The following SOX6 variants were observed in gnomAD, a reference collection of about 807,000 sequenced individuals.
SOX6 encodes the protein transcription factor SOX-6.
A neutral mutation model predicts 97.8 loss-of-function variants in SOX6; 11 were observed. The observed-to-expected ratio is 0.11, with a 90% CI of 0.07 to 0.19. SOX6 has a LOEUF of 0.19. SOX6 is among the 10% of genes least tolerant of loss of function. The probability of loss-of-function intolerance (pLI) is 1.00; values close to 1 mark genes in which losing one functional copy is unlikely to be tolerated. For missense variants in SOX6, 810 were observed against 1,039.5 expected (o/e 0.78, Z 3.04); for synonymous variants, 360 against 371.4 (o/e 0.97, Z 0.35).
intron 6 of SOX6, among the ~76,000 whole-genome samples, chr11:16,120,574 A>G (rs934493015): frequency 6.7e-6 from 1 of 149,854 alleles, no homozygotes; most frequent in Non-Finnish European, 1.5e-5. Flanking sequence ...ATATATATAT[A>G]TATATATACA....
intron 12 of SOX6, among the ~76,000 whole-genome samples, chr11:16,020,158 G>C (rs1479731916): frequency 2.6e-5 from 4 of 152,120 alleles, no homozygotes; most frequent in Non-Finnish European, 2.9e-5. Flanking sequence ...TGAGGGGTCA[G>C]TGTGATTTGT....
chr11:16,624,691 A>G (rs1257574080), intron 3 of SOX6, among the ~76,000 whole-genome samples: 1 of 152,192 alleles, frequency 6.6e-6, no homozygotes, highest in Non-Finnish European at 1.5e-5. Flanking sequence ...TTAACTTTAC[A>G]AGTTGCCAAA....
intron 3 of SOX6, among the ~76,000 whole-genome samples, chr11:16,700,913 GC>G (rs1848087876): frequency 6.6e-6 from 1 of 152,064 alleles, no homozygotes; most frequent in African/African-American, 2.4e-5. Context: ...ATTGTTTCCT[GC>G]TAGGGCCATA....
chr11:16,201,396 G>A (rs11023870), intron 4 of SOX6, among the ~76,000 whole-genome samples: 10,597 of 151,810 alleles, frequency 0.07, 410 homozygotes, highest in Non-Finnish European at 0.097. Context: ...ATAAATTTAT[G>A]TAGCTGGCAA....
At chr11:16,398,702 C>T (rs1858440489) in intron 1 of SOX6, among the ~76,000 whole-genome samples, 1 of 150,362 alleles carries the variant, frequency 6.7e-6, no homozygotes. Flanking sequence ...CTTTAATATC[C>T]TGTTTTATGT....
chr11:16,437,497 T>C (rs1200073700), intron 1 of SOX6, among the ~76,000 whole-genome samples: 1 of 152,208 alleles, frequency 6.6e-6, no homozygotes, highest in African/African-American at 2.4e-5. Flanking sequence ...CATCTGTTTA[T>C]GTGAATTAAG....
intron 3 of SOX6, among the ~76,000 whole-genome samples, chr11:16,271,149 C>G (rs896891738): frequency 2.0e-5 from 3 of 151,198 alleles, no homozygotes; most frequent in African/African-American, 4.8e-5. Flanking sequence ...TATTCCAAGA[C>G]TTTTTTTCCT....
intron 6 of SOX6, among the ~76,000 whole-genome samples, chr11:16,120,495 C>A (rs538456536): frequency 1.3e-5 from 2 of 151,262 alleles, no homozygotes; most frequent in Non-Finnish European, 2.9e-5. Context: ...CATCCCTTTA[C>A]AAACTCAGGA....
chr11:16,432,234 G>GC (rs1477447946), intron 1 of SOX6, among the ~76,000 whole-genome samples: 7 of 151,866 alleles, frequency 4.6e-5, no homozygotes, highest in Non-Finnish European at 1.0e-4. Flanking sequence ...AAATATCTGC[G>GC]CCCCACTGAG....
chr11:15,989,721 A>G (rs1050728959), intron 13 of SOX6, among the ~76,000 whole-genome samples: 2 of 152,122 alleles, frequency 1.3e-5, no homozygotes, highest in Admixed American at 1.3e-4. Context: ...ACCTTCAATC[A>G]TGTTTCATGA....
At chr11:16,521,895 C>T (rs1030000406) in intron 4 of SOX6, among the ~76,000 whole-genome samples, 31 of 151,734 alleles carry the variant, frequency 2.0e-4, no homozygotes, top group South Asian at 6.3e-4. Context: ...GAAGATGAAA[C>T]GAATGAAATG....
chr11:15,987,158 G>A (rs934561230), intron 14 of SOX6, among the ~76,000 whole-genome samples: 3 of 152,088 alleles, frequency 2.0e-5, no homozygotes, highest in African/African-American at 7.2e-5. Flanking sequence ...GAGGGGATGT[G>A]TTTTTTTACA....
chr11:16,368,275 G>A (rs925755853), intron 1 of SOX6, among the ~76,000 whole-genome samples: 7 of 152,106 alleles, frequency 4.6e-5, no homozygotes, highest in African/African-American at 1.7e-4. Flanking sequence ...AGATTAAAGA[G>A]GGAAAAGATC....
intron 1 of SOX6, among the ~76,000 whole-genome samples, chr11:16,419,734 G>A (rs554334329): frequency 2.0e-5 from 3 of 151,888 alleles, no homozygotes; most frequent in African/African-American, 7.2e-5. Context: ...ACTGTTACTC[G>A]GGGCAACCTG....
chr11:16,496,341 A>C (rs1326842257), intron 4 of SOX6, among the ~76,000 whole-genome samples: 2 of 149,686 alleles, frequency 1.3e-5, no homozygotes, highest in African/African-American at 4.9e-5. Context: ...CAGAGGGTGG[A>C]GCCAACATGG....
intron 4 of SOX6, among the ~76,000 whole-genome samples, chr11:16,228,817 G>A (rs914254330): frequency 6.6e-6 from 1 of 152,030 alleles, no homozygotes; most frequent in Admixed American, 6.6e-5. Context: ...GCATGACTCA[G>A]GTACATACTC....
At chr11:16,476,444 C>T (rs1860250266), upstream of SOX6, 1 of 152,064 alleles carries the variant, frequency 6.6e-6, no homozygotes, top group Admixed American at 6.6e-5. Flanking sequence ...CATTTATATG[C>T]TTTATTAAAG....
intron 9 of SOX6, among the ~76,000 whole-genome samples, chr11:16,063,496 TTATATATATATATATA>T (rs66968164): frequency 0.014 from 488 of 35,652 alleles, 10 homozygotes; most frequent in Admixed American, 0.02. Context: ...TACCATAATT[TTATATATATATATATA>T]TATATATATA....
chr11:16,565,887 G>A (rs1847868298), intron 4 of SOX6, among the ~76,000 whole-genome samples: 1 of 152,074 alleles, frequency 6.6e-6, no homozygotes, highest in South Asian at 2.1e-4. Context: ...ATGAGGTCAG[G>A]AGATCGAGAC....
Sources: allele counts gnomAD v4.1 joint callset (sites outside exome capture counted in the v4.1 genomes callset), GRCh38; gene constraint gnomAD v4.1.1; transcripts MANE v1.5; gene names NCBI Gene and HGNC (gene_info 2026-07-23, HGNC 2026-07-21).